Variants in CISD1 observed in about 807,000 individuals in gnomAD.
CISD1 encodes the protein CDGSH iron sulfur domain 1.
Under a neutral mutation model 12.0 loss-of-function variants are expected in CISD1, and 8 were observed. The ratio of observed to expected loss-of-function variants is 0.67; its 90% CI spans 0.39 to 1.20. The LOEUF (loss-of-function observed/expected upper bound fraction) is 1.20. CISD1 is among the 50% of genes most tolerant of loss of function. The pLI is 0.01. For synonymous variants in CISD1, 38 were observed against 42.2 expected (o/e 0.90, Z 0.39); for missense variants, 107 against 132.7 (o/e 0.81, Z 0.95).
intron 2 of CISD1, among the ~76,000 whole-genome samples, chr10:58,279,491 A>C (rs529174500): frequency 6.6e-6 from 1 of 152,222 alleles, no homozygotes; most frequent in Non-Finnish European, 1.5e-5. Context: ...CCAGTGATAA[A>C]GTACTTAGAT....
At chr10:58,287,469 A>C (rs1173411394) in intron 2 of CISD1, 92 bp from the exon 3 acceptor site, 1 of 797,820 alleles carries the variant, frequency 1.3e-6, no homozygotes, top group Non-Finnish European at 1.9e-6. Flanking sequence ...GAAAATCTTT[A>C]TGTTATATGA....
chr10:58,277,593 T>C (rs1839329503), intron 2 of CISD1, among the ~76,000 whole-genome samples: 1 of 127,474 alleles, frequency 7.8e-6, no homozygotes, highest in Admixed American at 7.3e-5. Flanking sequence ...TGTTATAATA[T>C]CACTTTTTCT....
chr10:58,285,994 A>G (rs1354453909), intron 2 of CISD1, among the ~76,000 whole-genome samples: 2 of 152,108 alleles, frequency 1.3e-5, no homozygotes, highest in Admixed American at 6.5e-5. Flanking sequence ...TCACGAGGTC[A>G]GGAGATCGAG....
At chr10:58,273,881 C>A (rs1419186150) in intron 1 of CISD1, among the ~76,000 whole-genome samples, 4 of 152,184 alleles carry the variant, frequency 2.6e-5, no homozygotes, top group Non-Finnish European at 4.4e-5. Flanking sequence ...TGCCTGTAAT[C>A]CCAGCACTTT....
At chr10:58,285,591 T>C (rs768299739) in intron 2 of CISD1, among the ~76,000 whole-genome samples, 1 of 152,120 alleles carries the variant, frequency 6.6e-6, no homozygotes, top group Non-Finnish European at 1.5e-5. Flanking sequence ...TGACATGAAA[T>C]AGAAATAAAA....
chr10:58,269,378 T>C (rs1226320499), intron 1 of CISD1, 74 bp downstream of exon 1: 19 of 1,367,874 alleles, frequency 1.4e-5, no homozygotes, highest in Non-Finnish European at 1.9e-5. Flanking sequence ...GACTGGGTTG[T>C]TTTACCACTG....
In CISD1 at chr10:58,271,043, A is replaced by ATTTTTTTTTTTTTTTT. The variant is rs775206917; in HGVS notation, c.31+1753_31+1754insTTTTTTTTTTTTTTTT. Among the ~76,000 whole-genome samples, 7 of 128,746 alleles carry ATTTTTTTTTTTTTTTT rather than the reference A, an allele frequency of 5.4e-5. 1 individual carries two copies. The highest frequency in any genetic ancestry group is 1.3e-4 in the African/African-American group (4 of 30,130). 84.5% of individuals were successfully genotyped at this position (128,746 alleles called of 152,430 possible). Reference sequence around the variant, plus strand: ...TGAGACACCACACGTTGCCATGACTATTTTTTTTTTTTTTGAGGCGGAGTC... The same window carrying ATTTTTTTTTTTTTTTT: ...TGAGACACCACACGTTGCCATGACTATTTTTTTTTTTTTTTTTTTTTTTTTTTTTTGAGGCGGAGTC... On this transcript the variant is annotated intron_variant, in intron 1 of 2. Transcript: ENST00000333926.
intron 1 of CISD1, among the ~76,000 whole-genome samples, chr10:58,275,300 A>G (rs1323615554): frequency 6.6e-6 from 1 of 152,206 alleles, no homozygotes; most frequent in African/African-American, 2.4e-5. Flanking sequence ...AGCTCCTGGC[A>G]TAGGAAATGT....
At chr10:58,284,468 T>C (rs1336604601) in intron 2 of CISD1, among the ~76,000 whole-genome samples, 1 of 152,222 alleles carries the variant, frequency 6.6e-6, no homozygotes, top group East Asian at 1.9e-4. Context: ...AAATTATTTT[T>C]AACACCTAGT....
At chr10:58,286,204 CAAAAAAA>C (rs755174757) in intron 2 of CISD1, among the ~76,000 whole-genome samples, 5 of 85,938 alleles carry the variant, frequency 5.8e-5, no homozygotes, top group East Asian at 6.6e-4. Flanking sequence ...GACTCCGTTT[CAAAAAAA>C]AAAAAAAAAG....
At chr10:58,284,828 G>C (rs922598973) in intron 2 of CISD1, among the ~76,000 whole-genome samples, 2 of 152,118 alleles carry the variant, frequency 1.3e-5, no homozygotes, top group Non-Finnish European at 2.9e-5. Context: ...ATTTCAGTAA[G>C]TTATTTAGAA....
intron 2 of CISD1, among the ~76,000 whole-genome samples, chr10:58,282,121 C>G (rs940204380): frequency 6.6e-6 from 1 of 152,114 alleles, no homozygotes; most frequent in African/African-American, 2.4e-5. Flanking sequence ...ACAACCATGC[C>G]TGGCTAATTT....
intron 1 of CISD1, 151 bp from the exon 2 acceptor site, chr10:58,276,966 A>T: frequency 3.5e-6 from 2 of 565,374 alleles, no homozygotes; most frequent in Admixed American, 3.6e-5. Context: ...AAGGACTATT[A>T]TACCAGTGTT....
chr10:58,287,291 G>A lies in CISD1; in HGVS notation c.238-270G>A, dbSNP rs554783998. ...AGGCAATGGACATGTTCACTAGAAAGGAATGTAACTAATATATAAACATAA... is the reference window on the plus strand; with the variant it reads ...AGGCAATGGACATGTTCACTAGAAAAGAATGTAACTAATATATAAACATAA... On this transcript the variant is annotated intron_variant, in intron 2 of 2. Coordinates refer to ENST00000333926, the MANE Select transcript of CISD1 (RefSeq NM_018464.5). Among the ~76,000 whole-genome samples, 122 of 152,236 alleles carry A rather than the reference G, an allele frequency of 8.0e-4. 3 individuals are homozygous for A. In the South Asian group the frequency reaches 0.024, roughly 30 times the overall value.
Position 58,275,650 on chromosome 10 carries a change from G to C in CISD1, c.32-1467G>C, listed in dbSNP as rs1437297374. On this transcript the variant is annotated intron_variant, in intron 1 of 2. Coordinates refer to ENST00000333926, the MANE Select transcript of CISD1 (RefSeq NM_018464.5). ...AAAACAGTATAAATTAATTTGTTAA[G>C]AAAAATACTACCGTGGTTGAAAATA... 1.3e-5 allele frequency among the ~76,000 whole-genome samples: 2 copies of C among 152,228 alleles called. 1 individual carries two copies. Among genetic ancestry groups the C allele is most frequent in the South Asian group, 4.1e-4 (2 of 4,822 alleles).
At position 58,289,287 on chromosome 10, in the gene CISD1, A is replaced by G. The variant is rs549576554; in HGVS notation, c.*1637A>G. ...GTTTCTGATAAAGGGACATCCTTCTAACTTAACAGACTATTCTTTATCTTG... is the reference window on the plus strand; with the variant it reads ...GTTTCTGATAAAGGGACATCCTTCTGACTTAACAGACTATTCTTTATCTTG... On this transcript the variant is annotated 3_prime_UTR_variant, in exon 3 of 3. Transcript: ENST00000333926. 25 of 152,352 alleles carry G rather than the reference A, an allele frequency of 1.6e-4. No individual in the cohort carries two copies. Among genetic ancestry groups the G allele is most frequent in the African/African-American group, 4.8e-4 (20 of 41,584 alleles). The allele number at this position is 152,352 out of a possible 1,614,324, so 9.4% of individuals were successfully genotyped here.
intron 1 of CISD1, 121 bp downstream of exon 1, chr10:58,269,425 A>G (rs1839214760): frequency 2.3e-6 from 2 of 884,270 alleles, no homozygotes; most frequent in East Asian, 2.5e-5. Context: ...CTTGAGATGC[A>G]GAAGGGCAAG....
intron 2 of CISD1, among the ~76,000 whole-genome samples, chr10:58,279,127 A>T (rs914343821): frequency 5.3e-5 from 8 of 152,252 alleles, no homozygotes; most frequent in Admixed American, 5.2e-4. Context: ...TGTGACTAAG[A>T]TGGTGACACC....
Position 58,287,828 on chromosome 10 carries a change from T to TAAA in CISD1, c.*179_*181dup. On this transcript the variant is annotated 3_prime_UTR_variant, in exon 3 of 3. Coordinates refer to ENST00000333926, the MANE Select transcript of CISD1 (RefSeq NM_018464.5). ...TGAAACATCGTGGTGCACATTTGTT[T>TAAA]AAACAAAAAAAAAAAAAAAAAGGAA... The TAAA allele has an allele frequency of 1.9e-5, 6 of 307,764 alleles. No individual in the cohort carries two copies. The highest frequency in any genetic ancestry group is 2.6e-5 in the Non-Finnish European group (5 of 189,102). The allele number at this position is 307,764 out of a possible 1,614,324, so 19.1% of individuals were successfully genotyped here.
Sources: allele counts gnomAD v4.1 joint callset (sites outside exome capture counted in the v4.1 genomes callset), GRCh38; gene constraint gnomAD v4.1.1; transcripts MANE v1.5; gene names NCBI Gene and HGNC (gene_info 2026-07-23, HGNC 2026-07-21).